PFKFB3: variants seen among roughly 807,000 people sequenced by gnomAD.
PFKFB3 encodes the protein 6-phosphofructo-2-kinase/fructose-2,6-bisphosphatase 3.
In PFKFB3, 33 loss-of-function variants were observed where a neutral mutation model predicts 68.0. The observed-to-expected ratio is 0.49, with a 90% confidence interval of 0.37 to 0.65. The LOEUF (loss-of-function observed/expected upper bound fraction) is 0.65, where lower values mean the gene tolerates loss of function less well. Among genes scored for constraint, PFKFB3 ranks in the 30% least tolerant of loss-of-function variants. The pLI is 0.00. For missense variants in PFKFB3, 586 were observed against 712.2 expected (o/e 0.82, Z 2.02); for synonymous variants, 315 against 288.2 (o/e 1.09, Z -0.94).
At chr10:6,232,570 T>C (rs747216639) in intron 14 of PFKFB3, among the ~76,000 whole-genome samples, 2 of 152,120 alleles carry the variant, frequency 1.3e-5, no homozygotes, top group Non-Finnish European at 1.5e-5. Context: ...TATGGGGTCG[T>C]GAGCATGAGG....
upstream of PFKFB3, among the ~76,000 whole-genome samples, chr10:6,201,342 G>C (rs987873529): frequency 1.3e-5 from 2 of 152,008 alleles, no homozygotes; most frequent in African/African-American, 4.8e-5. This position sits in a 1 kb window ranked among gnomAD's most constrained non-coding sequence, Gnocchi z 4.1. Context: ...TCGGGTTTCT[G>C]AACAGCCGCC....
At chr10:6,216,812 G>T (rs1485956645) in intron 5 of PFKFB3, 32 bp downstream of exon 5, 1 of 1,537,940 alleles carries the variant, frequency 6.5e-7, no homozygotes, top group East Asian at 2.2e-5. Context: ...GTGCTAGAGG[G>T]CTCGGGAGAG....
chr10:6,187,594 A>G (rs1208736375), intron 1 of PFKFB3, among the ~76,000 whole-genome samples: 1 of 152,182 alleles, frequency 6.6e-6, no homozygotes, highest in African/African-American at 2.4e-5. Context: ...TGGAAAGTCA[A>G]ATTAAATGTA....
At chr10:6,315,214 TAAAC>T in the PFKFB3 span, among the ~76,000 whole-genome samples, 4 of 152,218 alleles carry the variant, frequency 2.6e-5, no homozygotes, top group African/African-American at 9.6e-5. Context: ...TCAGGCTCCT[TAAAC>T]AAACAGGGGA....
chr10:6,254,923 T>C (rs899414485), downstream of PFKFB3, among the ~76,000 whole-genome samples: 2 of 144,612 alleles, frequency 1.4e-5, no homozygotes, highest in African/African-American at 2.5e-5. Flanking sequence ...GTTCCAGTGG[T>C]TCTCCTGCCT....
chr10:6,272,889 G>A, the PFKFB3 span, among the ~76,000 whole-genome samples: 1 of 152,014 alleles, frequency 6.6e-6, no homozygotes. Flanking sequence ...ATAGGCCTGA[G>A]GGCTTGATTT....
chr10:6,156,485 A>AAATTAATT (rs55858641), intron 1 of PFKFB3, among the ~76,000 whole-genome samples: 60 of 149,332 alleles, frequency 4.0e-4, no homozygotes, highest in African/African-American at 1.3e-3. Flanking sequence ...ACTTTAAATT[A>AAATTAATT]AATTAATTAA....
chr10:6,291,945 GTTTTTTTTTTTTT>G, the PFKFB3 span, among the ~76,000 whole-genome samples: 2 of 94,348 alleles, frequency 2.1e-5, no homozygotes, highest in South Asian at 4.1e-4. Context: ...GAAACCAGTG[GTTTTTTTTTTTTT>G]TTTTTTTTTT....
the PFKFB3 span, among the ~76,000 whole-genome samples, chr10:6,321,903 T>C: frequency 0.036 from 5,541 of 152,254 alleles, 342 homozygotes; most frequent in African/African-American, 0.13. Context: ...CACTTCCTGG[T>C]TTCTAAACAG....
chr10:6,173,333 T>C (rs560238573), intron 1 of PFKFB3, among the ~76,000 whole-genome samples: 3 of 152,256 alleles, frequency 2.0e-5, no homozygotes, highest in Non-Finnish European at 4.4e-5. Context: ...CGGGCAGTGG[T>C]GTGCTTTCAG....
At chr10:6,272,487 A>G in the PFKFB3 span, among the ~76,000 whole-genome samples, 8 of 152,160 alleles carry the variant, frequency 5.3e-5, no homozygotes, top group East Asian at 9.7e-4. Context: ...TGAGGTCAGG[A>G]GTTTGAGACC....
chr10:6,254,825 T>TTTG (rs1846468167), downstream of PFKFB3, among the ~76,000 whole-genome samples: 1 of 134,820 alleles, frequency 7.4e-6, no homozygotes, highest in Admixed American at 7.5e-5. Flanking sequence ...TTTTTTTTTT[T>TTTG]TTTTTTTTTT....
intron 1 of PFKFB3, among the ~76,000 whole-genome samples, chr10:6,206,521 A>T (rs1444740248): frequency 2.7e-5 from 3 of 111,350 alleles, no homozygotes; most frequent in African/African-American, 8.9e-5. Flanking sequence ...ACTTCCCAGT[A>T]GGGGCGGCCG....
the PFKFB3 span, among the ~76,000 whole-genome samples, chr10:6,271,040 G>T: frequency 6.6e-6 from 1 of 152,260 alleles, no homozygotes; most frequent in Non-Finnish European, 1.5e-5. Flanking sequence ...TTCAGGAACA[G>T]ATTATTGAAA....
the PFKFB3 span, chr10:6,293,341 C>CT: frequency 3.4e-6 from 1 of 291,362 alleles, no homozygotes; most frequent in Admixed American, 3.8e-5. Flanking sequence ...TGGATGTTAT[C>CT]TTTTCTTTCT....
intron 1 of PFKFB3, among the ~76,000 whole-genome samples, chr10:6,185,328 G>A (rs764330954): frequency 1.3e-5 from 2 of 152,318 alleles, no homozygotes; most frequent in Middle Eastern, 3.4e-3. Flanking sequence ...CCACTCATCC[G>A]CTTACTCACA....
rs1188304006 is a variant in PFKFB3 at position 6,220,817 on chromosome 10, C to T, written c.783C>T (p.Leu261=). ...GGCACGGCGAGAACGAGCACAACCT[C>T]CAGGGCCGCATCGGGGGCGACTCAG... ...LCRHGENEHN[L]QGRIGGDSGL... The change falls in exon 8 of 15, where the codon CTC becomes CTT. Residue 261 remains leucine, a synonymous_variant. Transcript: ENST00000379775. This position sits in a 1 kb window ranked among gnomAD's most constrained non-coding sequence, Gnocchi z 4.1. 9.9e-6 allele frequency: 16 copies of T among 1,613,560 alleles called. No homozygotes were observed. Among genetic ancestry groups the T allele is most frequent in the Non-Finnish European group, 1.2e-5 (14 of 1,180,036 alleles).
At chr10:6,243,529 C>T (rs529591043) in intron 14 of PFKFB3, among the ~76,000 whole-genome samples, 5 of 152,196 alleles carry the variant, frequency 3.3e-5, no homozygotes, top group Non-Finnish European at 5.9e-5. Context: ...TCACCCTAGT[C>T]CCATCAGTGG....
intron 1 of PFKFB3, among the ~76,000 whole-genome samples, chr10:6,150,983 G>C (rs1455494881): frequency 6.6e-6 from 1 of 151,216 alleles, no homozygotes; most frequent in African/African-American, 2.4e-5. Flanking sequence ...CTGGGCGACA[G>C]AGCCAAACTC....
Sources: allele counts gnomAD v4.1 joint callset (sites outside exome capture counted in the v4.1 genomes callset), GRCh38; gene constraint gnomAD v4.1.1; non-coding constraint Gnocchi (gnomAD v3.1); transcripts MANE v1.5; gene names NCBI Gene and HGNC (gene_info 2026-07-23, HGNC 2026-07-21).